BCL11A: variants seen among roughly 807,000 people sequenced by gnomAD.
BCL11A encodes the protein BCL11 transcription factor A.
In BCL11A, 2 loss-of-function variants were observed where a neutral mutation model predicts 55.9. The observed-to-expected ratio is 0.04, with a 90% CI of 0.01 to 0.11. BCL11A has a LOEUF of 0.11. Ranked by LOEUF, BCL11A falls within the 10% of genes least tolerant of loss-of-function variation. The pLI, the probability that BCL11A is intolerant of heterozygous loss-of-function variation, is 1.00. For synonymous variants in BCL11A, 465 were observed against 473.4 expected, an observed-to-expected ratio of 0.98 and a Z score of 0.23; for missense variants, 817 against 1,137.1, an observed-to-expected ratio of 0.72 and a Z score of 4.05.
At chr2:60,456,828 C>G (rs1341518091), downstream of BCL11A, among the ~76,000 whole-genome samples, 1 of 151,960 alleles carries the variant, frequency 6.6e-6, no homozygotes, top group African/African-American at 2.4e-5. Flanking sequence ...AACTTTTAGA[C>G]AACAAGAACA....
At chr2:60,497,024 A>G (rs940900024) in intron 2 of BCL11A, among the ~76,000 whole-genome samples, 1 of 152,226 alleles carries the variant, frequency 6.6e-6, no homozygotes, top group Non-Finnish European at 1.5e-5. Context: ...AAGCTCTCAC[A>G]TGGAAGGAAG....
chr2:60,488,196 G>A (rs1278474451), intron 2 of BCL11A, among the ~76,000 whole-genome samples: 1 of 152,180 alleles, frequency 6.6e-6, no homozygotes, highest in Non-Finnish European at 1.5e-5. Context: ...CATGAGGAGT[G>A]AATCTGACTA....
chr2:60,544,552 G>C (rs537495078), intron 2 of BCL11A: 1 of 152,292 alleles, frequency 6.6e-6, no homozygotes, highest in Non-Finnish European at 1.5e-5. Context: ...ACTAAAAAAA[G>C]AAAGAAAATG....
chr2:60,545,812 T>C lies in BCL11A; in HGVS notation c.385+159A>G, dbSNP rs1048089444. 9 of 666,872 alleles carry C rather than the reference T, an allele frequency of 1.3e-5. No individual in the cohort carries two copies. The African/African-American group carries it at 1.6e-4, about 12-fold the overall frequency. The allele number at this position is 666,872 out of a possible 1,614,324, so 41.3% of individuals were successfully genotyped here. On this transcript the variant is annotated intron_variant, in intron 2 of 3. Transcript: ENST00000642384. ...TATTTATTTTTCTGTGTTCTGGACG[T>C]AAGCAACAGAAATGATTATTTTAAC... is the stretch of plus-strand genomic sequence containing the variant.
intron 2 of BCL11A, among the ~76,000 whole-genome samples, chr2:60,483,398 T>C (rs1024622735): frequency 2.6e-4 from 40 of 152,232 alleles, no homozygotes; most frequent in Admixed American, 5.2e-4. Context: ...CAAAGATCCC[T>C]GGCCAAGGTC....
intron 3 of BCL11A, among the ~76,000 whole-genome samples, chr2:60,465,428 C>G (rs1330103256): frequency 1.3e-5 from 2 of 152,196 alleles, no homozygotes; most frequent in African/African-American, 4.8e-5. Context: ...AAACTGACAC[C>G]TGGCCCCTAA....
chr2:60,457,442 T>A lies in BCL11A; in HGVS notation c.*2962A>T. 9.6e-7 allele frequency: 1 copy of A among 1,036,998 alleles called. No individual in the cohort carries two copies. The highest frequency in any genetic ancestry group is 1.2e-6 in the Non-Finnish European group (1 of 860,246). The allele number at this position is 1,036,998 out of a possible 1,614,324, so 64.2% of individuals were successfully genotyped here. On this transcript the variant is annotated 3_prime_UTR_variant, in exon 4 of 4. Transcript: ENST00000642384. ...TGTTTTGAACAGGGCACATAAGCAA[T>A]AATAAATAGTGACTCCCATAGTAAA...
At chr2:60,507,233 AG>A (rs1679654463) in intron 2 of BCL11A, among the ~76,000 whole-genome samples, 1 of 40,602 alleles carries the variant, frequency 2.5e-5, no homozygotes. Context: ...GAAGGAAGGA[AG>A]GGAGGGAGGG....
At chr2:60,470,577 T>TA (rs1677142175) in intron 2 of BCL11A, among the ~76,000 whole-genome samples, 1 of 152,178 alleles carries the variant, frequency 6.6e-6, no homozygotes, top group South Asian at 2.1e-4. Context: ...CTCTGCCACT[T>TA]ACTCTGGGAA....
At chr2:60,498,000 C>T (rs1679050129) in intron 2 of BCL11A, among the ~76,000 whole-genome samples, 1 of 151,974 alleles carries the variant, frequency 6.6e-6, no homozygotes, top group Non-Finnish European at 1.5e-5. Context: ...TGCACAAAAT[C>T]CAAGAGGCCC....
chr2:60,553,365 G>C lies in BCL11A; in HGVS notation c.-95C>G, dbSNP rs759353934. The stretch of plus-strand genomic sequence containing the variant: ...GGGAGAGCCGGGTTAGAAAGAAGGA[G>C]ACTCCAGAGAAAATATCTTCATCAG... On this transcript the variant is annotated 5_prime_UTR_variant, in exon 1 of 4. Transcript: ENST00000642384. The C allele has an allele frequency of 1.1e-5, 14 of 1,296,534 alleles. 1 individual carries two copies. In the South Asian group the frequency reaches 1.8e-4, roughly 17 times the overall value. 80.3% of individuals were successfully genotyped at this position (1,296,534 alleles called of 1,614,324 possible). A position where few individuals can be genotyped will look rare whatever the true frequency, so the allele number is the denominator to read the frequency against.
At chr2:60,550,928 G>T (rs770615004) in intron 1 of BCL11A, 132 of 398,124 alleles carry the variant, frequency 3.3e-4, no homozygotes, top group Non-Finnish European at 3.1e-4. Flanking sequence ...CGGCGCGGCC[G>T]GGGGAGTTGG....
At chr2:60,455,629 G>A (rs1675905237), downstream of BCL11A, among the ~76,000 whole-genome samples, 1 of 152,162 alleles carries the variant, frequency 6.6e-6, no homozygotes, top group African/African-American at 2.4e-5. Context: ...ACAGACAAGT[G>A]TACAGTATCC....
chr2:60,501,309 C>G (rs1031775042), intron 2 of BCL11A, among the ~76,000 whole-genome samples: 2 of 152,146 alleles, frequency 1.3e-5, no homozygotes, highest in African/African-American at 4.8e-5. Context: ...GCTCACAGTC[C>G]AGTGGCTCTG....
chr2:60,504,347 AG>A (rs1679456329), intron 2 of BCL11A, among the ~76,000 whole-genome samples: 1 of 152,200 alleles, frequency 6.6e-6, no homozygotes, highest in Non-Finnish European at 1.5e-5. Context: ...GATTTCACCC[AG>A]CCCAGCCACC....
intron 2 of BCL11A, among the ~76,000 whole-genome samples, chr2:60,494,778 A>G (rs561157799): frequency 6.6e-6 from 1 of 152,360 alleles, no homozygotes; most frequent in South Asian, 2.1e-4. Flanking sequence ...CTTGTGAACT[A>G]AAATGCTGCC....
intron 2 of BCL11A, among the ~76,000 whole-genome samples, chr2:60,493,159 A>G (rs1209194078): frequency 6.9e-6 from 1 of 143,910 alleles, no homozygotes; most frequent in Non-Finnish European, 1.5e-5. Context: ...GGAGTGTGTT[A>G]CTCTTTCATT....
intron 2 of BCL11A, chr2:60,499,898 C>T (rs1468031840): frequency 6.6e-6 from 1 of 152,408 alleles, no homozygotes; most frequent in African/African-American, 2.4e-5. Context: ...GCTGCTAGAC[C>T]TCAAGCAGGA....
chr2:60,471,132 G>C (rs967595505), intron 2 of BCL11A, among the ~76,000 whole-genome samples: 1 of 152,190 alleles, frequency 6.6e-6, no homozygotes, highest in African/African-American at 2.4e-5. Context: ...TGGGGCTTTC[G>C]AAAGGTGCCA....
Sources: gnomAD v4.1 joint callset for allele counts (sites outside exome capture counted in the v4.1 genomes callset) on GRCh38, gnomAD v4.1.1 for gene constraint, MANE v1.5 for transcripts, NCBI Gene and HGNC (gene_info 2026-07-23, HGNC 2026-07-21) for gene names.